EPB41L3: variants seen among roughly 807,000 people sequenced by gnomAD.
The protein encoded by EPB41L3 is band 4.1-like protein 3.
A neutral mutation model predicts 127.1 loss-of-function variants in EPB41L3; 57 were observed. The ratio of observed to expected loss-of-function variants is 0.45; its 90% CI spans 0.36 to 0.56. The LOEUF (loss-of-function observed/expected upper bound fraction) is 0.56. EPB41L3 is among the 20% of genes least tolerant of loss of function. The probability of loss-of-function intolerance (pLI) is 0.00; values close to 1 mark genes in which losing one functional copy is unlikely to be tolerated. For synonymous variants in EPB41L3, 572 were observed against 549.5 expected (o/e 1.04, Z -0.57); for missense variants, 1,273 against 1,372.2 (o/e 0.93, Z 1.14).
At chr18:5,416,869 C>G (rs555942859) in intron 12 of EPB41L3, among the ~76,000 whole-genome samples, 1 of 152,030 alleles carries the variant, frequency 6.6e-6, no homozygotes, top group Non-Finnish European at 1.5e-5. Flanking sequence ...AAAAACCAAT[C>G]TCTAGCATTA....
Position 5,469,637 on chromosome 18 carries a change from C to G in EPB41L3, c.381+8604G>C, listed in dbSNP as rs1599381047. Among the ~76,000 whole-genome samples the G allele has an allele frequency of 2.6e-5, 4 of 152,294 alleles. No individual in the cohort carries two copies. The South Asian group carries it at 8.3e-4, about 32-fold the overall frequency. ...CCAATGGGCCTGAGCAAAAATCAAGCATAGGCGCCACCCGCCCTAGAGGCT... is the reference window on the plus strand; with the variant it reads ...CCAATGGGCCTGAGCAAAAATCAAGGATAGGCGCCACCCGCCCTAGAGGCT... On this transcript the variant is annotated intron_variant, in intron 3 of 22. Transcript: ENST00000341928.
chr18:5,608,565 AGT>A (rs1355973280), intron 3 of EPB41L3, among the ~76,000 whole-genome samples: 1 of 152,200 alleles, frequency 6.6e-6, no homozygotes, highest in Non-Finnish European at 1.5e-5. Flanking sequence ...TCACAAATAA[AGT>A]GTTATCTTCA....
chr18:5,428,402 G>A lies in EPB41L3; in HGVS notation c.976C>T (p.Arg326Trp), dbSNP rs1050259718. ...CAGGCAAATCTGTTTATTCGCAGCC[G>A]GTCGCGATATATCAACAGACCACTT... is the stretch of plus-strand genomic sequence containing the variant. ...CASGLLIYRD[R>W]LRINRFAWPK... Residue 326 changes from arginine (R) to tryptophan (W), a missense_variant, in exon 9 of 23, where the codon CGG (arginine) becomes TGG (tryptophan). Around this residue, in one of 3 missense-constraint regions of EPB41L3, gnomAD observed 326 missense variants for 440.2 expected, o/e 0.74. Transcript: ENST00000341928. The A allele has an allele frequency of 6.2e-7, 1 of 1,614,026 alleles. No individual in the cohort carries two copies. Among genetic ancestry groups the A allele is most frequent in the East Asian group, 2.2e-5 (1 of 44,890 alleles).
chr18:5,551,496 G>A (rs765034899), intron 3 of EPB41L3, among the ~76,000 whole-genome samples: 5 of 152,204 alleles, frequency 3.3e-5, no homozygotes, highest in South Asian at 2.1e-4. Flanking sequence ...AGGCCGAGGC[G>A]GGTGGATCAC....
At chr18:5,435,930 T>C (rs952962468) in intron 6 of EPB41L3, among the ~76,000 whole-genome samples, 2 of 152,216 alleles carry the variant, frequency 1.3e-5, no homozygotes, top group Non-Finnish European at 2.9e-5. Flanking sequence ...CTATCTAAGA[T>C]ATAAAGAATT....
chr18:5,415,845 A>ATT lies in EPB41L3; in HGVS notation c.2038_2039dup (p.Asn680LysfsTer43). Reference sequence around the variant, plus strand: ...CTTCCTCTGAACTGTCACTCGGGTCATTGTCTAGGGAGGCGCTCAAGGAGG... The same window carrying ATT: ...CTTCCTCTGAACTGTCACTCGGGTCATTTTGTCTAGGGAGGCGCTCAAGGAGG... On this transcript the variant is annotated frameshift_variant, in exon 13 of 23. Coordinates refer to ENST00000341928, the MANE Select transcript of EPB41L3 (RefSeq NM_012307.5). LOFTEE classifies it high-confidence loss of function. The ATT allele has an allele frequency of 6.2e-7, 1 of 1,613,054 alleles. No homozygotes were observed. The highest frequency in any genetic ancestry group is 8.5e-7 in the Non-Finnish European group (1 of 1,179,822).
At chr18:5,532,381 A>G (rs1368874744) in intron 1 of EPB41L3, among the ~76,000 whole-genome samples, 1 of 152,224 alleles carries the variant, frequency 6.6e-6, no homozygotes, top group African/African-American at 2.4e-5. Context: ...TGTGGAAAAA[A>G]CAAACAGATA....
At chr18:5,422,925 C>T (rs2077659124) in intron 11 of EPB41L3, among the ~76,000 whole-genome samples, 11 of 152,152 alleles carry the variant, frequency 7.2e-5, no homozygotes, top group Admixed American at 7.2e-4. Context: ...CAGCTATTAT[C>T]AACTGACTGA....
At chr18:5,553,868 C>A (rs1719959) in intron 3 of EPB41L3, among the ~76,000 whole-genome samples, 1 of 152,082 alleles carries the variant, frequency 6.6e-6, no homozygotes, top group Admixed American at 6.5e-5. Context: ...TTGTTCAAAG[C>A]CTCTGGGGGC....
chr18:5,393,560 C>T, intron 22 of EPB41L3, 82 bp from the exon 23 acceptor site: 2 of 681,644 alleles, frequency 2.9e-6, no homozygotes, highest in East Asian at 2.8e-5. Context: ...AAAAAGTATC[C>T]TGGAAGTTAG....
At chr18:5,420,158 C>A in intron 11 of EPB41L3, 2 of 523,206 alleles carry the variant, frequency 3.8e-6, no homozygotes, top group Middle Eastern at 5.4e-4. Flanking sequence ...CTTGGAATTT[C>A]ATCTATCCTC....
intron 2 of EPB41L3, among the ~76,000 whole-genome samples, chr18:5,485,526 T>C (rs1481078537): frequency 2.0e-5 from 3 of 151,856 alleles, no homozygotes; most frequent in Non-Finnish European, 4.4e-5. Flanking sequence ...ATAAAGGGCA[T>C]CCAAACTGAA....
chr18:5,543,829 GC>G lies in EPB41L3; in HGVS notation c.-12+83del. ...TCAGCCCCACTGTCCCGCGCGCCTC[GC>G]CCCAGGCCTCGGGCTCTTCCTCCGC... On this transcript the variant is annotated intron_variant, in intron 1 of 22. Transcript: ENST00000341928. This position sits in a 1 kb window ranked among gnomAD's most constrained non-coding sequence, Gnocchi z 5.2. 1 of 965,330 alleles carries G rather than the reference GC, an allele frequency of 1.0e-6. No individual in the cohort carries two copies. The highest frequency in any genetic ancestry group is 4.8e-5 in the South Asian group (1 of 20,890). 59.8% of individuals were successfully genotyped at this position (965,330 alleles called of 1,614,324 possible).
At chr18:5,596,677 G>C (rs912366880) in intron 3 of EPB41L3, among the ~76,000 whole-genome samples, 1 of 152,082 alleles carries the variant, frequency 6.6e-6, no homozygotes, top group African/African-American at 2.4e-5. Context: ...AACATTTTCT[G>C]TTGTTTTTCT....
At chr18:5,552,858 A>C (rs1335374887) in intron 3 of EPB41L3, among the ~76,000 whole-genome samples, 1 of 152,228 alleles carries the variant, frequency 6.6e-6, no homozygotes, top group Non-Finnish European at 1.5e-5. Context: ...GCCAGGACAC[A>C]AGCTCGGGTA....
chr18:5,438,842 A>G (rs1568179574), intron 5 of EPB41L3, among the ~76,000 whole-genome samples: 1 of 152,204 alleles, frequency 6.6e-6, no homozygotes, highest in Non-Finnish European at 1.5e-5. Flanking sequence ...AGGGTCAACC[A>G]GGAGTCAGCT....
chr18:5,617,639 C>T (rs1438071678), intron 1 of EPB41L3, among the ~76,000 whole-genome samples: 1 of 152,108 alleles, frequency 6.6e-6, no homozygotes, highest in African/African-American at 2.4e-5. Context: ...ATTTTTTAAA[C>T]GCAAATAACA....
At chr18:5,609,448 C>G (rs906157013) in intron 3 of EPB41L3, among the ~76,000 whole-genome samples, 2 of 152,170 alleles carry the variant, frequency 1.3e-5, no homozygotes, top group Admixed American at 1.3e-4. Context: ...TACCAGCAGA[C>G]CACAACCCTC....
chr18:5,509,380 C>T (rs185226586), intron 1 of EPB41L3, among the ~76,000 whole-genome samples: 4 of 152,290 alleles, frequency 2.6e-5, no homozygotes, highest in East Asian at 1.9e-4. Context: ...GAGGTGTCAG[C>T]GGCTGCCTAT....
Sources: gnomAD v4.1 joint callset for allele counts (sites outside exome capture counted in the v4.1 genomes callset) on GRCh38, gnomAD v4.1.1 for gene constraint, gnomAD v4.1.1 regional missense constraint, Gnocchi (gnomAD v3.1) non-coding constraint, MANE v1.5 for transcripts, NCBI Gene and HGNC (gene_info 2026-07-23, HGNC 2026-07-21) for gene names.